ACAD11: variants seen among roughly 807,000 people sequenced by gnomAD.
ACAD11 encodes acyl-Coenzyme A dehydrogenase family, member 11.
ACAD11 carries 83 observed loss-of-function variants against 102.2 expected under a neutral mutation model. That is an observed-to-expected ratio of 0.81 (90% CI 0.68 to 0.97). The LOEUF is 0.97. ACAD11 is among the 50% of genes least tolerant of loss of function. The pLI is 0.00. For missense variants in ACAD11, 901 were observed against 951.7 expected (o/e 0.95, Z 0.70); for synonymous variants, 324 against 319.8 (o/e 1.01, Z -0.14).
intron 1 of ACAD11, 21 bp downstream of exon 1, chr3:132,659,582 G>C (rs770390285): frequency 1.2e-6 from 2 of 1,607,298 alleles, no homozygotes; most frequent in Non-Finnish European, 1.7e-6. Flanking sequence ...TTCCGCTGGA[G>C]GCAAAGGCTG....
At position 132,639,472 on chromosome 3, in the gene ACAD11, G is replaced by A; in HGVS notation, c.702+20C>T. 1.2e-6 allele frequency: 2 copies of A among 1,606,576 alleles called. No individual in the cohort carries two copies. The highest frequency in any genetic ancestry group is 1.7e-6 in the Non-Finnish European group (2 of 1,176,558). ...ACAAAACAGACCTACTCAATTAATTGTAAACATAGCTAACTGTACCTCTTT... is the reference window on the plus strand; with the variant it reads ...ACAAAACAGACCTACTCAATTAATTATAAACATAGCTAACTGTACCTCTTT... On this transcript the variant is annotated intron_variant, in intron 5 of 19. Transcript: ENST00000264990.
Position 132,619,503 on chromosome 3 carries a change from T to C in ACAD11, c.1240A>G (p.Lys414Glu), listed in dbSNP as rs1468798268. 6.3e-6 allele frequency: 10 copies of C among 1,593,118 alleles called. No homozygotes were observed. Among genetic ancestry groups the C allele is most frequent in the African/African-American group, 1.4e-5 (1 of 74,008 alleles). ...TCAATCACTAAAGGTTTTCCCCACT[T>C]GTCCACTGAATTTTCATTTTGAACA... ...FYVQNENSVD[K>E]WGKPLVIDKL... The change falls in exon 10 of 20, where the codon AAG (lysine) becomes GAG (glutamate). Residue 414 changes from lysine to glutamate, a missense_variant. Lys to Glu is a moderately conservative substitution (Grantham distance 56, BLOSUM62 1). Transcript: ENST00000264990.
intron 4 of ACAD11, among the ~76,000 whole-genome samples, chr3:132,640,804 T>C (rs1391794906): frequency 6.6e-6 from 1 of 152,146 alleles, no homozygotes; most frequent in African/African-American, 2.4e-5. Context: ...ACCTAGCATA[T>C]AGTGAGTACA....
chr3:132,626,897 G>C (rs925189761), intron 8 of ACAD11, 80 bp from the exon 9 acceptor site: 60 of 1,412,518 alleles, frequency 4.2e-5, no homozygotes, highest in Non-Finnish European at 5.4e-5. Context: ...ATAATGTGAA[G>C]TTTCCTCAGC....
intron 13 of ACAD11, among the ~76,000 whole-genome samples, chr3:132,602,650 T>C (rs539045453): frequency 3.9e-5 from 6 of 152,214 alleles, no homozygotes; most frequent in Admixed American, 1.3e-4. Flanking sequence ...AAAAATAGTA[T>C]GCACTAATGA....
intron 7 of ACAD11, 77 bp from the exon 8 acceptor site, chr3:132,628,523 A>C: frequency 1.9e-6 from 2 of 1,036,360 alleles, no homozygotes; most frequent in Non-Finnish European, 2.9e-6. Flanking sequence ...CCAGTTTCTC[A>C]GTTATATGTG....
intron 11 of ACAD11, among the ~76,000 whole-genome samples, chr3:132,617,544 C>T (rs1198906574): frequency 2.6e-5 from 4 of 152,192 alleles, no homozygotes; most frequent in Admixed American, 2.0e-4. Flanking sequence ...TTATCATCCA[C>T]TACACTACTA....
At chr3:132,612,668 A>G (rs547533004) in intron 11 of ACAD11, among the ~76,000 whole-genome samples, 35 of 152,186 alleles carry the variant, frequency 2.3e-4, no homozygotes, top group Admixed American at 1.2e-3. Context: ...AATCAAAACC[A>G]CAATGAGATA....
intron 11 of ACAD11, among the ~76,000 whole-genome samples, chr3:132,614,573 G>A (rs1939320196): frequency 6.6e-6 from 1 of 152,152 alleles, no homozygotes; most frequent in East Asian, 1.9e-4. Flanking sequence ...AAGCAATGTG[G>A]GAAGGATTTC....
rs1938581061 is a variant in ACAD11 at position 132,601,264 on chromosome 3, A to C, written c.1621+1965T>G. 3.1e-6 allele frequency: 5 copies of C among 1,613,984 alleles called. No individual in the cohort carries two copies. In the East Asian group the frequency reaches 1.1e-4, roughly 36 times the overall value. Reference sequence around the variant, plus strand: ...TGGACATCGCCATCCAAGTCACAGAAAGCATCGCACTCTTTCACAGCTGCC... The same window carrying C: ...TGGACATCGCCATCCAAGTCACAGACAGCATCGCACTCTTTCACAGCTGCC... On this transcript the variant is annotated intron_variant, in intron 13 of 19. Transcript: ENST00000264990.
intron 1 of ACAD11, chr3:132,648,310 A>T (rs1392578430): frequency 6.6e-6 from 1 of 152,224 alleles, no homozygotes. Context: ...TTTTACCATA[A>T]GCAATGTTGC....
At chr3:132,612,024 G>C (rs1274813233) in intron 11 of ACAD11, among the ~76,000 whole-genome samples, 3 of 152,018 alleles carry the variant, frequency 2.0e-5, no homozygotes, top group African/African-American at 7.3e-5. Context: ...TACTAAAACA[G>C]AGATACAGAC....
At position 132,619,533 on chromosome 3, in the gene ACAD11, A is replaced by C; in HGVS notation, c.1210T>G (p.Phe404Val). The C allele has an allele frequency of 6.3e-7, 1 of 1,587,272 alleles. No individual in the cohort carries two copies. The highest frequency in any genetic ancestry group is 8.6e-7 in the Non-Finnish European group (1 of 1,168,234). The change falls in exon 10 of 20, where the codon TTC (phenylalanine) becomes GTC (valine). Residue 404 changes from phenylalanine (F) to valine (V), a missense_variant. Physicochemically the swap from Phe to Val is conservative, Grantham distance 50. Coordinates refer to ENST00000264990, the MANE Select transcript of ACAD11 (RefSeq NM_032169.5). ...ACTGAATTTTCATTTTGAACATAGA[A>C]CTCAGTTACCTCCTTAAAGTAATAA... is the stretch of plus-strand genomic sequence containing the variant. ...ILPAEKEVTE[F>V]YVQNENSVDK...
At position 132,626,790 on chromosome 3, in the gene ACAD11, A is replaced by G; in HGVS notation, c.1098T>C (p.Ile366=). Reference sequence around the variant, plus strand: ...GTACAAACAACTGTCCAGTAGTATCAATCTGTGGTAGTACAGTACTGAAAG... The same window carrying G: ...GTACAAACAACTGTCCAGTAGTATCGATCTGTGGTAGTACAGTACTGAAAG... ...KRTFSTVLPQ[I]DTTGQLFVQT... The change falls in exon 9 of 20, where the codon ATT becomes ATC. Residue 366 remains isoleucine (I), a synonymous_variant. Coordinates refer to ENST00000264990, the MANE Select transcript of ACAD11 (RefSeq NM_032169.5). 1 of 1,613,808 alleles carries G rather than the reference A, an allele frequency of 6.2e-7. No individual in the cohort carries two copies. Among genetic ancestry groups the G allele is most frequent in the Non-Finnish European group, 8.5e-7 (1 of 1,179,938 alleles).
At chr3:132,623,884 G>GC (rs1456720907) in intron 9 of ACAD11, among the ~76,000 whole-genome samples, 1 of 152,104 alleles carries the variant, frequency 6.6e-6, no homozygotes, top group African/African-American at 2.4e-5. Context: ...TGGGCTGATT[G>GC]CAAGTACTAG....
In ACAD11 at chr3:132,628,328, T is replaced by G; in HGVS notation, c.1070+12A>C. On this transcript the variant is annotated intron_variant, in intron 8 of 19. Transcript: ENST00000264990. ...TCTAATTTGAGTTAGCCAAGGAATC[T>G]GTTTTCCTTACCGTTTGGAGAGTTG... 6.3e-7 allele frequency: 1 copy of G among 1,592,450 alleles called. No homozygotes were observed. The highest frequency in any genetic ancestry group is 8.6e-7 in the Non-Finnish European group (1 of 1,162,664).
rs576228558 is a variant in ACAD11 at position 132,587,471 on chromosome 3, TTA to T, written c.1622-7915_1622-7914del. On this transcript the variant is annotated intron_variant, in intron 13 of 19. Coordinates refer to ENST00000264990, the MANE Select transcript of ACAD11 (RefSeq NM_032169.5). Reference sequence around the variant, plus strand: ...TCTGATATTCCTACCTGGTTATTTTTTATGTTTTCTATTTCTCTTCTGATATT... The same window carrying T: ...TCTGATATTCCTACCTGGTTATTTTTTGTTTTCTATTTCTCTTCTGATATT... Among the ~76,000 whole-genome samples, 119 of 152,204 alleles carry T rather than the reference TTA, an allele frequency of 7.8e-4. 1 individual carries two copies. The highest frequency in any genetic ancestry group is 2.2e-3 in the Admixed American group (34 of 15,280).
chr3:132,575,649 G>T, intron 17 of ACAD11, 123 bp downstream of exon 17: 2 of 1,140,886 alleles, frequency 1.8e-6, no homozygotes, highest in Non-Finnish European at 2.5e-6. Context: ...ACATAAATAT[G>T]CCTTATTGAA....
chr3:132,606,291 A>G (rs370628084), intron 11 of ACAD11, among the ~76,000 whole-genome samples: 581 of 152,334 alleles, frequency 3.8e-3, no homozygotes, highest in Non-Finnish European at 6.8e-3. Context: ...CATTAACAAA[A>G]TTCCTTGTAG....
Sources: gnomAD v4.1 joint callset for allele counts (sites outside exome capture counted in the v4.1 genomes callset) on GRCh38, gnomAD v4.1.1 for gene constraint, MANE v1.5 for transcripts, NCBI Gene and HGNC (gene_info 2026-07-23, HGNC 2026-07-21) for gene names.